The following LRRC4C variants were observed in gnomAD, a reference collection of about 807,000 sequenced individuals.
The protein encoded by LRRC4C is leucine rich repeat containing 4C.
LRRC4C carries 5 observed loss-of-function variants against 33.6 expected under a neutral mutation model. The ratio of observed to expected loss-of-function variants is 0.15; its 90% CI spans 0.08 to 0.31. LRRC4C has a LOEUF of 0.31. Among genes scored for constraint, LRRC4C ranks in the 10% least tolerant of loss-of-function variants. LRRC4C has a pLI of 1.00. For missense variants in LRRC4C, 560 were observed against 796.7 expected (o/e 0.70, Z 3.58); for synonymous variants, 329 against 302.0 (o/e 1.09, Z -0.93).
At chr11:40,500,959 T>C (rs143771536) in intron 3 of LRRC4C, among the ~76,000 whole-genome samples, 3,964 of 152,260 alleles carry the variant, frequency 0.026, 76 homozygotes, top group Non-Finnish European at 0.04. Flanking sequence ...AGTTACTTCC[T>C]AGATACATTG....
rs188113237 is a variant in LRRC4C at position 41,176,680 on chromosome 11, T to C, written c.-495-242957A>G. ...AATGAAGAATGGAGCTAGGAGAGGC[T>C]AGGGTCTAGGAGTAGGAATGAAGTT... On this transcript the variant is annotated intron_variant, in intron 1 of 6. Coordinates refer to ENST00000528697, the MANE Select transcript of LRRC4C (RefSeq NM_001258419.2). Among the ~76,000 whole-genome samples the C allele has an allele frequency of 6.6e-5, 10 of 152,236 alleles. No individual in the cohort carries two copies. In the East Asian group the frequency reaches 1.9e-3, roughly 29 times the overall value.
At chr11:40,672,425 G>T (rs1162046680) in intron 2 of LRRC4C, among the ~76,000 whole-genome samples, 2 of 152,068 alleles carry the variant, frequency 1.3e-5, no homozygotes, top group East Asian at 3.9e-4. Flanking sequence ...CATAGCAGTG[G>T]TTCTAACAAG....
Position 41,243,821 on chromosome 11 carries a change from A to G in LRRC4C, c.-496+215610T>C, listed in dbSNP as rs116188903. 5.9e-3 allele frequency among the ~76,000 whole-genome samples: 902 copies of G among 152,240 alleles called. 9 individuals are homozygous for G. Among genetic ancestry groups the G allele is most frequent in the African/African-American group, 0.02 (835 of 41,542 alleles). On this transcript the variant is annotated intron_variant, in intron 1 of 6. Coordinates refer to ENST00000528697, the MANE Select transcript of LRRC4C (RefSeq NM_001258419.2). The stretch of plus-strand genomic sequence containing the variant: ...TTCTGGGCTCTACCTTTGGTGATAT[A>G]TAATATATATATTGCATAAACTTCA...
intron 3 of LRRC4C, among the ~76,000 whole-genome samples, chr11:40,334,857 G>T (rs1237100077): frequency 6.6e-6 from 1 of 151,894 alleles, no homozygotes; most frequent in Non-Finnish European, 1.5e-5. Flanking sequence ...ACAAAAGCAG[G>T]AACAAAACCA....
rs184081517 is a variant in LRRC4C at position 40,951,321 on chromosome 11, C to T, written c.-495-17598G>A. 1.1e-3 allele frequency among the ~76,000 whole-genome samples: 168 copies of T among 151,898 alleles called. 1 individual carries two copies. The highest frequency in any genetic ancestry group is 3.8e-3 in the African/African-American group (159 of 41,460). On this transcript the variant is annotated intron_variant, in intron 1 of 6. Coordinates refer to ENST00000528697, the MANE Select transcript of LRRC4C (RefSeq NM_001258419.2). ...TAGAGATATATCATCTAAAATGAGA[C>T]AATTGAGTTCAACACCAAAACACAC...
At chr11:40,507,147 A>C (rs1955072823) in intron 3 of LRRC4C, among the ~76,000 whole-genome samples, 1 of 152,126 alleles carries the variant, frequency 6.6e-6, no homozygotes, top group Non-Finnish European at 1.5e-5. Flanking sequence ...CAAAACCTTT[A>C]AAAATTAAAT....
intron 3 of LRRC4C, among the ~76,000 whole-genome samples, chr11:40,527,900 C>T (rs1365237765): frequency 1.3e-5 from 2 of 152,042 alleles, no homozygotes; most frequent in African/African-American, 2.4e-5. Flanking sequence ...AGGCATGCAC[C>T]ATGATGCCTG....
intron 1 of LRRC4C, among the ~76,000 whole-genome samples, chr11:41,420,577 C>T (rs906395988): frequency 3.9e-5 from 6 of 152,004 alleles, no homozygotes; most frequent in Admixed American, 6.6e-5. Context: ...TTTTTAATTT[C>T]GTTGGTGCTT....
intron 4 of LRRC4C, among the ~76,000 whole-genome samples, chr11:40,260,799 T>C (rs974814894): frequency 6.6e-6 from 1 of 152,158 alleles, no homozygotes; most frequent in Admixed American, 6.6e-5. Flanking sequence ...TTGAAATTAA[T>C]TCAATCTCTT....
At chr11:40,516,636 T>C (rs1163464544) in intron 3 of LRRC4C, among the ~76,000 whole-genome samples, 1 of 152,074 alleles carries the variant, frequency 6.6e-6, no homozygotes, top group African/African-American at 2.4e-5. Context: ...TAATTTTGTA[T>C]GAAATCAACA....
intron 1 of LRRC4C, among the ~76,000 whole-genome samples, chr11:41,062,475 A>G (rs117188087): frequency 0.015 from 2,243 of 152,166 alleles, 31 homozygotes; most frequent in Non-Finnish European, 0.019. Context: ...ATGCAGATGC[A>G]CTCTTTCTTT....
intron 2 of LRRC4C, among the ~76,000 whole-genome samples, chr11:40,701,245 C>T (rs1358073279): frequency 6.6e-6 from 1 of 152,060 alleles, no homozygotes; most frequent in Non-Finnish European, 1.5e-5. Flanking sequence ...GTCATGTTTC[C>T]TTTCCGAACC....
chr11:40,382,285 T>G lies in LRRC4C; in HGVS notation c.-269-62564A>C, dbSNP rs548637675. ...GCGTGAGCCATCGCGCCCAGCCGTG[T>G]TTTTACTTTTTTAATTTAATTTTTA... On this transcript the variant is annotated intron_variant, in intron 3 of 6. Transcript: ENST00000528697. Among the ~76,000 whole-genome samples, 1,149 of 151,332 alleles carry G rather than the reference T, an allele frequency of 7.6e-3. 13 individuals carry two copies. The highest frequency in any genetic ancestry group is 0.026 in the African/African-American group (1,055 of 41,348).
intron 2 of LRRC4C, among the ~76,000 whole-genome samples, chr11:40,857,984 A>AC: frequency 5.7e-5 from 4 of 69,844 alleles, no homozygotes; most frequent in African/African-American, 1.0e-4. Flanking sequence ...AGGGAAAGGG[A>AC]AAGGGACAGG....
chr11:40,472,576 C>A (rs540408035), intron 3 of LRRC4C, among the ~76,000 whole-genome samples: 38 of 150,892 alleles, frequency 2.5e-4, no homozygotes, highest in Non-Finnish European at 5.0e-4. Context: ...CAAACAAATT[C>A]AAAAACTAGC....
At chr11:41,351,733 T>A (rs1373014352) in intron 1 of LRRC4C, among the ~76,000 whole-genome samples, 1 of 152,190 alleles carries the variant, frequency 6.6e-6, no homozygotes, top group African/African-American at 2.4e-5. Flanking sequence ...TAAAATGCAT[T>A]AAAAATAAAT....
At chr11:41,324,844 G>A (rs1225718125) in intron 1 of LRRC4C, among the ~76,000 whole-genome samples, 5 of 152,102 alleles carry the variant, frequency 3.3e-5, no homozygotes, top group African/African-American at 1.2e-4. Context: ...TGCTTCTTGT[G>A]CATTTCTTTT....
chr11:41,000,089 A>G (rs532222765), intron 1 of LRRC4C, among the ~76,000 whole-genome samples: 1 of 152,298 alleles, frequency 6.6e-6, no homozygotes, highest in Admixed American at 6.5e-5. Flanking sequence ...CAATTAAAAA[A>G]ATTATTCTGT....
At chr11:41,341,353 TATC>T (rs1951631715) in intron 1 of LRRC4C, among the ~76,000 whole-genome samples, 1 of 152,164 alleles carries the variant, frequency 6.6e-6, no homozygotes, top group Non-Finnish European at 1.5e-5. Flanking sequence ...CTTCTTTCCT[TATC>T]ATCATTCTCT....
Sources: gnomAD v4.1 joint callset for allele counts (sites outside exome capture counted in the v4.1 genomes callset) on GRCh38, gnomAD v4.1.1 for gene constraint, MANE v1.5 for transcripts, NCBI Gene and HGNC (gene_info 2026-07-23, HGNC 2026-07-21) for gene names.